The following MTG2 variants were observed in gnomAD, a reference collection of about 807,000 sequenced individuals.
The protein encoded by MTG2 is mitochondrial ribosome-associated GTPase 2.
MTG2 carries 23 observed loss-of-function variants against 28.6 expected under a neutral mutation model. The ratio of observed to expected loss-of-function variants is 0.80; its 90% CI spans 0.58 to 1.14. The LOEUF is 1.14. Ranked by LOEUF, MTG2 falls within the 50% of genes most tolerant of loss-of-function variation. The pLI, the probability that MTG2 is intolerant of heterozygous loss-of-function variation, is 0.00. For missense variants in MTG2, 539 were observed against 552.0 expected, an observed-to-expected ratio of 0.98 and a Z score of 0.24; for synonymous variants, 260 against 251.8, an observed-to-expected ratio of 1.03 and a Z score of -0.31.
chr20:62,198,114 G>A (rs999778377), intron 4 of MTG2, 147 bp downstream of exon 4: 91 of 644,818 alleles, frequency 1.4e-4, no homozygotes, highest in African/African-American at 1.3e-3. Context: ...GGCAGACAGC[G>A]GGAAAGCAGC....
chr20:62,198,793 C>G lies in MTG2; in HGVS notation c.628C>G (p.Gln210Glu). The G allele has an allele frequency of 6.2e-7, 1 of 1,614,128 alleles. No homozygotes were observed. The highest frequency in any genetic ancestry group is 1.3e-5 in the African/African-American group (1 of 75,052). Residue 210 changes from glutamine (Q) to glutamate (E), a missense_variant, in exon 5 of 7, where the codon CAG (glutamine) becomes GAG (glutamate). Gln to Glu is a conservative substitution (Grantham distance 29). Transcript: ENST00000370823. Reference protein sequence around the residue: ...NRAPVTCTPGQPGQQRVLHLE... With the variant: ...NRAPVTCTPGEPGQQRVLHLE... The stretch of plus-strand genomic sequence containing the variant: ...TGCCCCTGTGACCTGTACCCCTGGA[C>G]AGCCAGGACAGCAGCGAGTTCTCCA...
intron 5 of MTG2, 104 bp from the exon 6 acceptor site, chr20:62,199,014 CT>C: frequency 1.9e-6 from 3 of 1,568,628 alleles, no homozygotes; most frequent in Non-Finnish European, 2.6e-6. Context: ...GCCCTTGTGA[CT>C]CCCCCAGCCC....
At chr20:62,192,743 G>T (rs1036217959) in intron 1 of MTG2, among the ~76,000 whole-genome samples, 1 of 152,054 alleles carries the variant, frequency 6.6e-6, no homozygotes, top group Non-Finnish European at 1.5e-5. Flanking sequence ...CACCCCTATC[G>T]CCCCTGTCAC....
In MTG2 at chr20:62,195,929, G is replaced by A; in HGVS notation, c.332G>A (p.Gly111Asp). Residue 111 changes from glycine to aspartate, a missense_variant, in exon 3 of 7, where the codon GGT becomes GAT. Physicochemically the swap from Gly to Asp is moderately conservative, Grantham distance 94. Transcript: ENST00000370823. ...GGPDGGDGGN[G>D]GHVILRVDQQ... Reference sequence around the variant, plus strand: ...CCTGATGGAGGGGACGGAGGCAACGGTGGACACGTCATTCTGAGAGGCAGG... The same window carrying A: ...CCTGATGGAGGGGACGGAGGCAACGATGGACACGTCATTCTGAGAGGCAGG... The A allele has an allele frequency of 6.2e-7, 1 of 1,614,184 alleles. No individual in the cohort carries two copies. The highest frequency in any genetic ancestry group is 2.2e-5 in the East Asian group (1 of 44,880).
chr20:62,184,848 G>T (rs567979093), intron 1 of MTG2, among the ~76,000 whole-genome samples: 1 of 152,286 alleles, frequency 6.6e-6, no homozygotes, highest in Non-Finnish European at 1.5e-5. Context: ...GGTGGCTCGC[G>T]CCTGTAATCC....
chr20:62,186,804 C>T lies in MTG2; in HGVS notation c.-6+3747C>T, dbSNP rs1739597. Among the ~76,000 whole-genome samples, 842 of 152,130 alleles carry T rather than the reference C, an allele frequency of 5.5e-3. 8 individuals carry two copies. The highest frequency in any genetic ancestry group is 0.018 in the African/African-American group (739 of 41,488). ...TCGGCCTCCCAAAGTGCTGGGATTA[C>T]AGGCATGAGCCACCGTGCCCAGCCT... is the stretch of plus-strand genomic sequence containing the variant. On this transcript the variant is annotated intron_variant, in intron 1 of 6. Transcript: ENST00000370823.
chr20:62,197,802 G>A (rs903320238), intron 3 of MTG2, 50 bp from the exon 4 acceptor site: 34 of 1,524,886 alleles, frequency 2.2e-5, no homozygotes, highest in Non-Finnish European at 2.8e-5. Flanking sequence ...TCAGCAATAG[G>A]CCATGGTTGT....
At chr20:62,184,096 C>T (rs112247940) in intron 1 of MTG2, among the ~76,000 whole-genome samples, 30 of 152,340 alleles carry the variant, frequency 2.0e-4, no homozygotes, top group African/African-American at 6.3e-4. Context: ...CGGTGGCTCA[C>T]GCCTGTAATC....
chr20:62,194,191 A>G (rs779441138), intron 2 of MTG2: 3 of 151,994 alleles, frequency 2.0e-5, no homozygotes, highest in South Asian at 2.1e-4. Flanking sequence ...TTCTTGTTCT[A>G]TTTACCAAAA....
At chr20:62,199,416 CAGGCG>C in intron 6 of MTG2, 159 bp downstream of exon 6, 33 of 813,974 alleles carry the variant, frequency 4.1e-5, no homozygotes, top group South Asian at 1.5e-4. Context: ...GAGGCCGAGG[CAGGCG>C]GATCACGAGG....
rs1347305637 is a variant in MTG2 at position 62,203,009 on chromosome 20, T to C, written c.*1932T>C. 1.3e-5 allele frequency: 2 copies of C among 152,250 alleles called. No homozygotes were observed. Among genetic ancestry groups the C allele is most frequent in the East Asian group, 3.8e-4 (2 of 5,206 alleles). The allele number at this position is 152,250 out of a possible 1,614,324, so 9.4% of individuals were successfully genotyped here. A position where few individuals can be genotyped will look rare whatever the true frequency, so the allele number is the denominator to read the frequency against. Reference sequence around the variant, plus strand: ...CCTTTTACCCGAAGCTTTATTTTAATGTCTTATAATTTCAAAGGTCCTTCT... The same window carrying C: ...CCTTTTACCCGAAGCTTTATTTTAACGTCTTATAATTTCAAAGGTCCTTCT... On this transcript the variant is annotated 3_prime_UTR_variant, in exon 7 of 7. Transcript: ENST00000370823.
In MTG2 at chr20:62,202,919, G is replaced by A. The variant is rs1048027503; in HGVS notation, c.*1842G>A. ...GGCGCGCTTTGCACAGCAGGCCGGT[G>A]CCTGGGCTTTCAGGAGCAATTCCGT... On this transcript the variant is annotated 3_prime_UTR_variant, in exon 7 of 7. Coordinates refer to ENST00000370823, the MANE Select transcript of MTG2 (RefSeq NM_015666.4). 6.6e-6 allele frequency: 1 copy of A among 152,250 alleles called. No homozygotes were observed. Among genetic ancestry groups the A allele is most frequent in the African/African-American group, 2.4e-5 (1 of 41,454 alleles). The allele number at this position is 152,250 out of a possible 1,614,324, so 9.4% of individuals were successfully genotyped here.
chr20:62,198,951 T>G, intron 5 of MTG2, 99 bp downstream of exon 5: 1 of 1,557,550 alleles, frequency 6.4e-7, no homozygotes, highest in Non-Finnish European at 8.8e-7. Flanking sequence ...GAGAACAGCT[T>G]TGCGACTCAC....
Position 62,183,456 on chromosome 20 carries a change from A to G in MTG2, c.-6+399A>G, listed in dbSNP as rs576256601. 1.8e-4 allele frequency among the ~76,000 whole-genome samples: 27 copies of G among 152,354 alleles called. No individual in the cohort carries two copies. The Middle Eastern group carries it at 0.014, about 77-fold the overall frequency. ...TCTAAGTATTAAACATTTTAAAGTG[A>G]TTATTGGCAGTATACAGTTGCACAA... On this transcript the variant is annotated intron_variant, in intron 1 of 6. Transcript: ENST00000370823.
At chr20:62,186,533 T>TTG (rs1310377453) in intron 1 of MTG2, among the ~76,000 whole-genome samples, 27 of 144,710 alleles carry the variant, frequency 1.9e-4, no homozygotes, top group African/African-American at 5.9e-4. Flanking sequence ...TTTTTGTTTT[T>TTG]TTTTTTTTTT....
Position 62,199,213 on chromosome 20 carries a change from C to T in MTG2, c.782C>T (p.Pro261Leu). The change falls in exon 6 of 7, where the codon CCC becomes CTC. Residue 261 changes from proline to leucine, a missense_variant. Pro to Leu is a moderately conservative substitution (Grantham distance 98). Coordinates refer to ENST00000370823, the MANE Select transcript of MTG2 (RefSeq NM_015666.4). ...TCCTACCCGTTCACCACCCTGAAGC[C>T]CCACGTCGGGATCGTCCACTACGAA... Reference protein sequence around the residue: ...VASYPFTTLKPHVGIVHYEGH... With the variant: ...VASYPFTTLKLHVGIVHYEGH... 4.3e-6 allele frequency: 7 copies of T among 1,614,160 alleles called. No individual in the cohort carries two copies. Among genetic ancestry groups the T allele is most frequent in the Non-Finnish European group, 5.9e-6 (7 of 1,180,032 alleles).
chr20:62,190,014 T>C (rs2057924875), intron 1 of MTG2, among the ~76,000 whole-genome samples: 1 of 152,236 alleles, frequency 6.6e-6, no homozygotes, highest in South Asian at 2.1e-4. Context: ...GGTGCACTTT[T>C]ATTATTTGTT....
rs1165810154 is a variant in MTG2 at position 62,201,198 on chromosome 20, TG to T, written c.*124del. On this transcript the variant is annotated 3_prime_UTR_variant, in exon 7 of 7. Coordinates refer to ENST00000370823, the MANE Select transcript of MTG2 (RefSeq NM_015666.4). ...GGGAGTTGTGGTGCTTCTGGGTCTCTGGGCCCCGCCTGCTGGCCTGAGATGC... is the reference window on the plus strand; with the variant it reads ...GGGAGTTGTGGTGCTTCTGGGTCTCTGGCCCCGCCTGCTGGCCTGAGATGC... 7.9e-7 allele frequency: 1 copy of T among 1,270,694 alleles called. No homozygotes were observed. Among genetic ancestry groups the T allele is most frequent in the African/African-American group, 1.5e-5 (1 of 66,648 alleles). 78.7% of individuals were successfully genotyped at this position (1,270,694 alleles called of 1,614,324 possible).
At chr20:62,190,711 C>T (rs2057940694) in intron 1 of MTG2, among the ~76,000 whole-genome samples, 1 of 152,222 alleles carries the variant, frequency 6.6e-6, no homozygotes, top group South Asian at 2.1e-4. Flanking sequence ...CTGCTGAGCC[C>T]CAAGCCCCAC....
Sources: allele counts gnomAD v4.1 joint callset (sites outside exome capture counted in the v4.1 genomes callset), GRCh38; gene constraint gnomAD v4.1.1; transcripts MANE v1.5; gene names NCBI Gene and HGNC (gene_info 2026-07-23, HGNC 2026-07-21).